TPO: variants seen among roughly 807,000 people sequenced by gnomAD.
TPO encodes the protein thyroid peroxidase.
In TPO, 78 loss-of-function variants were observed where a neutral mutation model predicts 96.9. The ratio of observed to expected loss-of-function variants is 0.81; its 90% CI spans 0.67 to 0.97. The LOEUF (loss-of-function observed/expected upper bound fraction) is 0.97, where lower values mean the gene tolerates loss of function less well. TPO is among the 50% of genes least tolerant of loss of function. The pLI, the probability that TPO is intolerant of heterozygous loss-of-function variation, is 0.00. For synonymous variants in TPO, 547 were observed against 538.0 expected (o/e 1.02, Z -0.23); for missense variants, 1,252 against 1,274.8 (o/e 0.98, Z 0.27).
At chr2:1,398,847 A>C (rs1170716180) in intron 1 of TPO, among the ~76,000 whole-genome samples, 1 of 152,036 alleles carries the variant, frequency 6.6e-6, no homozygotes, top group African/African-American at 2.4e-5. Flanking sequence ...GTGCCCCCTC[A>C]CCTGCAGCCA....
At chr2:1,519,750 C>A (rs79066633) in intron 15 of TPO, among the ~76,000 whole-genome samples, 1 of 152,104 alleles carries the variant, frequency 6.6e-6, no homozygotes, top group Non-Finnish European at 1.5e-5. Context: ...AAAACTGATA[C>A]GACTATAATT....
intron 1 of TPO, among the ~76,000 whole-genome samples, chr2:1,390,971 T>G (rs551523284): frequency 1.4e-4 from 21 of 152,306 alleles, no homozygotes; most frequent in African/African-American, 5.1e-4. Flanking sequence ...TTTCTCCCAT[T>G]CTGTAGGTTG....
intron 1 of TPO, among the ~76,000 whole-genome samples, chr2:1,388,749 A>T (rs951874419): frequency 6.6e-5 from 10 of 152,146 alleles, no homozygotes; most frequent in African/African-American, 2.4e-4. Flanking sequence ...CCCCAGTGAG[A>T]TGAACCTGGT....
chr2:1,489,738 G>GAGTA (rs1165975302), intron 10 of TPO, among the ~76,000 whole-genome samples: 1 of 152,242 alleles, frequency 6.6e-6, no homozygotes, highest in African/African-American at 2.4e-5. Flanking sequence ...AAGGGAACAG[G>GAGTA]AGTAAGACCA....
At chr2:1,540,111 C>T (rs2125348840) in intron 15 of TPO, among the ~76,000 whole-genome samples, 1 of 152,330 alleles carries the variant, frequency 6.6e-6, no homozygotes, top group East Asian at 1.9e-4. Flanking sequence ...GGGGCCTCCA[C>T]CCTTGCTCCT....
chr2:1,500,824 T>C (rs1672800410), intron 13 of TPO, among the ~76,000 whole-genome samples: 1 of 151,644 alleles, frequency 6.6e-6, no homozygotes, highest in African/African-American at 2.4e-5. Context: ...GAAGAAAAAT[T>C]AGCCGGGCAT....
chr2:1,437,455 C>T (rs1514683), intron 5 of TPO, among the ~76,000 whole-genome samples: 49,499 of 148,936 alleles, frequency 0.33, 9,009 homozygotes, highest in South Asian at 0.5. Flanking sequence ...ATGCCCCCCC[C>T]GAGAGAGGGA....
chr2:1,378,649 C>T (rs1661758509), intron 1 of TPO, among the ~76,000 whole-genome samples: 1 of 152,198 alleles, frequency 6.6e-6, no homozygotes, highest in Non-Finnish European at 1.5e-5. Flanking sequence ...CGACTCCGTG[C>T]TGCTCTCCCT....
intron 1 of TPO, among the ~76,000 whole-genome samples, chr2:1,383,147 C>T (rs1406778952): frequency 2.0e-5 from 3 of 152,000 alleles, no homozygotes; most frequent in Non-Finnish European, 2.9e-5. Context: ...AGGGTTGGTT[C>T]CAAGTCTTTG....
At position 1,453,696 on chromosome 2, in the gene TPO, A is replaced by T; in HGVS notation, c.485A>T (p.Asp162Val). ...RPITGACNNR[D>V]HPRWGASNTA... is the part of the protein sequence containing the mutation. ...CATCCTTGCATTTGTCTCCACAGAG[A>T]CCACCCCAGATGGGGCGCCTCCAAC... is the stretch of plus-strand genomic sequence containing the variant. The change falls in exon 6 of 17, where the codon GAC becomes GTC. Residue 162 changes from aspartate (D) to valine (V), a missense_variant and splice_region_variant. Transcript: ENST00000329066. 6.2e-7 allele frequency: 1 copy of T among 1,613,834 alleles called. No individual in the cohort carries two copies.
chr2:1,492,357 G>C (rs1671853779), intron 10 of TPO, among the ~76,000 whole-genome samples: 1 of 152,124 alleles, frequency 6.6e-6, no homozygotes, highest in Admixed American at 6.5e-5. Flanking sequence ...GTTTCACCAT[G>C]TTGGCCAGGC....
At chr2:1,383,351 A>T (rs1394246616) in intron 1 of TPO, among the ~76,000 whole-genome samples, 1 of 152,132 alleles carries the variant, frequency 6.6e-6, no homozygotes, top group East Asian at 1.9e-4. Context: ...AACAGTGTAA[A>T]AGTGTTGCTA....
At chr2:1,374,589 T>G (rs1263145959) in intron 1 of TPO, among the ~76,000 whole-genome samples, 1 of 152,210 alleles carries the variant, frequency 6.6e-6, no homozygotes, top group Non-Finnish European at 1.5e-5. Context: ...GTTTGCCCCT[T>G]TCGGGTTCTA....
intron 2 of TPO, among the ~76,000 whole-genome samples, chr2:1,422,614 A>G (rs1303902006): frequency 2.0e-5 from 3 of 152,008 alleles, no homozygotes; most frequent in Non-Finnish European, 4.4e-5. Flanking sequence ...TACACATTCC[A>G]GGTGCTAAAA....
chr2:1,525,625 C>A (rs1323078200), intron 15 of TPO, among the ~76,000 whole-genome samples: 2 of 80,754 alleles, frequency 2.5e-5, no homozygotes, highest in Non-Finnish European at 4.6e-5. Context: ...TGTGCAACCT[C>A]CTCAAATCCC....
intron 5 of TPO, chr2:1,439,147 G>A (rs1335250491): frequency 8.6e-6 from 3 of 348,414 alleles, no homozygotes; most frequent in African/African-American, 4.1e-5. Context: ...GAAAGGCCCT[G>A]CTGCTGTCTT....
chr2:1,484,404 G>A (rs770031534), intron 8 of TPO, among the ~76,000 whole-genome samples, 192 bp from the exon 9 acceptor site: 1 of 152,066 alleles, frequency 6.6e-6, no homozygotes, highest in Non-Finnish European at 1.5e-5. Flanking sequence ...CCCTATAAAC[G>A]CACCTCCTGA....
rs1670643655 is a variant in TPO, at chr2:1,481,570, T to G, written c.1339-3026T>G. On this transcript the variant is annotated intron_variant, in intron 8 of 16. Transcript: ENST00000329066. Reference sequence around the variant, plus strand: ...CTGCAGATCTCCCTGGACATCCCCATCCCGGGCAGGCAGATCCATGTCTCG... The same window carrying G: ...CTGCAGATCTCCCTGGACATCCCCAGCCCGGGCAGGCAGATCCATGTCTCG... Among the ~76,000 whole-genome samples the G allele has an allele frequency of 5.9e-5, 9 of 151,956 alleles. No individual in the cohort carries two copies. The South Asian group carries it at 1.9e-3, about 32-fold the overall frequency.
chr2:1,513,058 G>A (rs748943628), intron 14 of TPO, among the ~76,000 whole-genome samples: 19 of 152,192 alleles, frequency 1.2e-4, no homozygotes, highest in Non-Finnish European at 1.9e-4. Flanking sequence ...TACAGATGGC[G>A]CAGCCATCAG....
Sources: gnomAD v4.1 joint callset for allele counts (sites outside exome capture counted in the v4.1 genomes callset) on GRCh38, gnomAD v4.1.1 for gene constraint, MANE v1.5 for transcripts, NCBI Gene and HGNC (gene_info 2026-07-23, HGNC 2026-07-21) for gene names.